The following TSHZ2 variants were observed in gnomAD, a reference collection of about 807,000 sequenced individuals.
TSHZ2 encodes teashirt homolog 2.
In TSHZ2, 21 loss-of-function variants were observed where a neutral mutation model predicts 74.4. The ratio of observed to expected loss-of-function variants is 0.28; its 90% CI spans 0.20 to 0.41. The LOEUF (loss-of-function observed/expected upper bound fraction) is 0.41. TSHZ2 is among the 10% of genes least tolerant of loss of function. The pLI is 1.00. For synonymous variants in TSHZ2, 540 were observed against 515.3 expected (o/e 1.05, Z -0.65); for missense variants, 1,244 against 1,293.5 (o/e 0.96, Z 0.59).
At chr20:52,993,906 A>G (rs1982078237) in intron 1 of TSHZ2, among the ~76,000 whole-genome samples, 1 of 152,204 alleles carries the variant, frequency 6.6e-6, no homozygotes, top group African/African-American at 2.4e-5. Context: ...AGCAAAGGGA[A>G]GTTTGTGGGG....
At chr20:53,004,286 C>G (rs1335353050) in intron 1 of TSHZ2, among the ~76,000 whole-genome samples, 1 of 152,162 alleles carries the variant, frequency 6.6e-6, no homozygotes, top group African/African-American at 2.4e-5. Context: ...CTCAGTCCTA[C>G]TTATTTTAGC....
In TSHZ2 at chr20:53,254,080, G is replaced by C; in HGVS notation, c.622G>C (p.Val208Leu). ...YRQSSKMCGT[V>L]FTGASRFRCR... is the part of the protein sequence containing the mutation. ...ACAGAGCAGCAAGATGTGCGGGACT[G>C]TGTTCACAGGGGCCAGCAGATTCCG... The change falls in exon 2 of 3, where the codon GTG becomes CTG. Residue 208 changes from valine (V) to leucine (L), a missense_variant. Val to Leu is a conservative substitution (Grantham distance 32). Around this residue, in one of 6 missense-constraint regions of TSHZ2, gnomAD observed 470 missense variants for 456.5 expected, o/e 1.03. Coordinates refer to ENST00000371497, the MANE Select transcript of TSHZ2 (RefSeq NM_173485.6). 1 of 1,614,150 alleles carries C rather than the reference G, an allele frequency of 6.2e-7. No homozygotes were observed. The highest frequency in any genetic ancestry group is 8.5e-7 in the Non-Finnish European group (1 of 1,180,046).
intron 1 of TSHZ2, among the ~76,000 whole-genome samples, chr20:53,018,930 A>T (rs774312118): frequency 2.0e-5 from 3 of 152,208 alleles, no homozygotes; most frequent in Non-Finnish European, 4.4e-5. Context: ...GATCCTAGTC[A>T]TTAGTGCTAT....
At chr20:53,066,105 G>A (rs566093548) in intron 1 of TSHZ2, among the ~76,000 whole-genome samples, 2 of 152,176 alleles carry the variant, frequency 1.3e-5, no homozygotes, top group Admixed American at 6.5e-5. Flanking sequence ...AGCATCTCCA[G>A]TCTTCTGCTC....
chr20:53,267,561 T>C (rs897437755), intron 2 of TSHZ2, among the ~76,000 whole-genome samples: 3 of 152,204 alleles, frequency 2.0e-5, no homozygotes, highest in Non-Finnish European at 4.4e-5. Context: ...AGAGAGAGGA[T>C]GGGAGTCCAG....
intron 1 of TSHZ2, among the ~76,000 whole-genome samples, chr20:53,164,174 A>C (rs750107155): frequency 6.6e-6 from 1 of 152,160 alleles, no homozygotes; most frequent in East Asian, 1.9e-4. Flanking sequence ...GATTGGAATT[A>C]GTTTTAGGAT....
At chr20:53,479,349 C>T (rs1441360542) in intron 2 of TSHZ2, among the ~76,000 whole-genome samples, 1 of 152,220 alleles carries the variant, frequency 6.6e-6, no homozygotes, top group East Asian at 1.9e-4. Flanking sequence ...GATCCCAGTA[C>T]TGCTGTTATA....
intron 1 of TSHZ2, among the ~76,000 whole-genome samples, chr20:53,241,473 T>C (rs1015564157): frequency 2.6e-4 from 40 of 152,194 alleles, no homozygotes; most frequent in African/African-American, 9.2e-4. Context: ...GTTTGTTTCT[T>C]GTAATATAAA....
At chr20:53,399,831 AAG>A (rs1202669666) in intron 2 of TSHZ2, 3 of 152,284 alleles carry the variant, frequency 2.0e-5, no homozygotes, top group Non-Finnish European at 4.4e-5. Flanking sequence ...TGCCAAATGC[AAG>A]AGAGTATGAG....
chr20:53,291,991 T>C (rs62208283), intron 2 of TSHZ2, among the ~76,000 whole-genome samples: 1 of 141,972 alleles, frequency 7.0e-6, no homozygotes, highest in African/African-American at 2.8e-5. Context: ...CAGGATAGCA[T>C]TTAAAAAAAA....
intron 2 of TSHZ2, among the ~76,000 whole-genome samples, chr20:53,452,828 TTGTG>T (rs1336049761): frequency 1.3e-5 from 2 of 152,194 alleles, no homozygotes; most frequent in African/African-American, 4.8e-5. Context: ...TGCCTGTTGT[TTGTG>T]TTTTTCTCAA....
intron 1 of TSHZ2, among the ~76,000 whole-genome samples, chr20:53,227,874 C>T (rs911035510): frequency 6.6e-6 from 1 of 151,948 alleles, no homozygotes; most frequent in Non-Finnish European, 1.5e-5. Context: ...TTCTTTCTTT[C>T]GTTCTTCCTT....
chr20:53,031,540 T>C lies in TSHZ2; in HGVS notation c.40+58207T>C, dbSNP rs543167682. On this transcript the variant is annotated intron_variant, in intron 1 of 2. Transcript: ENST00000371497. Reference sequence around the variant, plus strand: ...TTTATAGAGAAAGGCCTGTAGCATCTGACTCCTGCGTGCTTGGTGACAGGG... The same window carrying C: ...TTTATAGAGAAAGGCCTGTAGCATCCGACTCCTGCGTGCTTGGTGACAGGG... Among the ~76,000 whole-genome samples the C allele has an allele frequency of 1.7e-4, 26 of 152,324 alleles. 1 individual carries two copies. Among genetic ancestry groups the C allele is most frequent in the South Asian group, 1.5e-3 (7 of 4,822 alleles).
intron 1 of TSHZ2, among the ~76,000 whole-genome samples, chr20:53,118,651 C>T (rs1202542934): frequency 2.6e-5 from 4 of 152,102 alleles, no homozygotes; most frequent in African/African-American, 7.2e-5. Flanking sequence ...GGTTCCTTAA[C>T]CTCCCAGGTG....
chr20:53,069,930 G>A (rs904694551), intron 1 of TSHZ2, among the ~76,000 whole-genome samples: 1 of 152,114 alleles, frequency 6.6e-6, no homozygotes, highest in African/African-American at 2.4e-5. Context: ...TTAGGGTCCC[G>A]TTCCAACATC....
In TSHZ2 at chr20:53,255,721, C is replaced by T. The variant is rs779892655; in HGVS notation, c.2263C>T (p.Arg755Cys). ...CACAAGGTCAGCCAGCGTGTCCAGG[C>T]GCTACCTGTTTGAGAACAGCGATCA... ...ASTRSASVSR[R>C]YLFENSDQPI... Residue 755 changes from arginine (R) to cysteine (C), a missense_variant, in exon 2 of 3, where the codon CGC becomes TGC. By Grantham distance (180) the Arg-to-Cys change is radical. Transcript: ENST00000371497. The surrounding 1 kb of genome is among the most constrained non-coding windows in gnomAD (Gnocchi z 4.1). The T allele has an allele frequency of 6.5e-5, 105 of 1,611,154 alleles. No individual in the cohort carries two copies. Among genetic ancestry groups the T allele is most frequent in the Middle Eastern group, 1.6e-4 (1 of 6,066 alleles).
chr20:53,207,858 C>CTTTTTTTTTTTTTTTT (rs58457116), intron 1 of TSHZ2, among the ~76,000 whole-genome samples: 1 of 96,698 alleles, frequency 1.0e-5, no homozygotes, highest in African/African-American at 4.2e-5. Context: ...CATTGTTTTA[C>CTTTTTTTTTTTTTTTT]TTTTTTTTTT....
intron 2 of TSHZ2, among the ~76,000 whole-genome samples, chr20:53,283,588 A>C (rs1370576537): frequency 6.6e-6 from 1 of 152,222 alleles, no homozygotes; most frequent in Non-Finnish European, 1.5e-5. Flanking sequence ...AAAAAAGGAA[A>C]AAATAAAATA....
chr20:53,391,117 TTTGTTTTG>T (rs1217921484), intron 2 of TSHZ2, among the ~76,000 whole-genome samples: 4 of 139,176 alleles, frequency 2.9e-5, no homozygotes, highest in Non-Finnish European at 6.0e-5. Flanking sequence ...ATACTACACT[TTTGTTTTG>T]TTTTGTTTTG....
Sources: gnomAD v4.1 joint callset for allele counts (sites outside exome capture counted in the v4.1 genomes callset) on GRCh38, gnomAD v4.1.1 for gene constraint, gnomAD v4.1.1 regional missense constraint, Gnocchi (gnomAD v3.1) non-coding constraint, MANE v1.5 for transcripts, NCBI Gene and HGNC (gene_info 2026-07-23, HGNC 2026-07-21) for gene names.